Variants in USP26 observed in about 807,000 individuals in gnomAD.
USP26 encodes ubiquitin carboxyl-terminal hydrolase 26.
For synonymous variants in USP26, 236 were observed against 240.6 expected, an observed-to-expected ratio of 0.98 and a Z score of 0.18; for missense variants, 649 against 642.3, an observed-to-expected ratio of 1.01 and a Z score of -0.11.
intron 5 of USP26, among the ~76,000 whole-genome samples, chrX:133,054,747 G>A (rs2067470134): frequency 9.0e-6 from 1 of 111,528 alleles, no homozygotes. Flanking sequence ...AATGCCTAAC[G>A]ATACAACCTA....
chrX:133,073,877 GGTCACCGAGATTCCTGACCTA>G (rs1203576906), intron 5 of USP26, among the ~76,000 whole-genome samples: 3 of 111,305 alleles, frequency 2.7e-5, no homozygotes, highest in African/African-American at 9.8e-5. Context: ...GCCAGAGCAT[GGTCACCGAGATTCCTGACCTA>G]GTCCCATATC....
chrX:133,035,174 G>A (rs769570922), intron 5 of USP26, among the ~76,000 whole-genome samples: 65 of 111,805 alleles, frequency 5.8e-4, no homozygotes, highest in Non-Finnish European at 7.9e-4. Context: ...ACATGACATG[G>A]CAAAAGGAGG....
At position 133,025,611 on chromosome X, in the gene USP26, C is replaced by A; in HGVS notation, c.2610G>T (p.Met870Ile). 1 of 1,211,421 alleles carries A rather than the reference C, an allele frequency of 8.3e-7. No homozygotes were observed. The highest frequency in any genetic ancestry group is 1.1e-6 in the Non-Finnish European group (1 of 895,344). The stretch of plus-strand genomic sequence containing the variant: ...ACCCAGTGCAACGCCTATCCTCCTG[C>A]ATCTGGGCCTCCTGGATACCTAACA... ...MRVLGIQEAQ[M>I]QEDRRCTGYI... Residue 870 changes from methionine to isoleucine, a missense_variant, in exon 6 of 6, where the codon ATG becomes ATT. Physicochemically the swap from Met to Ile is conservative, Grantham distance 10. Transcript: ENST00000511190.
At chrX:133,059,231 C>T (rs755348205) in intron 5 of USP26, among the ~76,000 whole-genome samples, 1 of 111,394 alleles carries the variant, frequency 9.0e-6, no homozygotes, top group East Asian at 2.8e-4. Flanking sequence ...AGACAAAAAA[C>T]TTCAGGAGCT....
intron 5 of USP26, among the ~76,000 whole-genome samples, chrX:133,062,793 T>A (rs1027042013): frequency 1.8e-5 from 2 of 111,041 alleles, no homozygotes; most frequent in African/African-American, 6.6e-5. Context: ...CACAAATTAT[T>A]GATAATTCCA....
chrX:133,030,283 CACT>C (rs1307739925), intron 5 of USP26, among the ~76,000 whole-genome samples: 1 of 111,357 alleles, frequency 9.0e-6, no homozygotes, highest in Non-Finnish European at 1.9e-5. Context: ...AAAACTGTAC[CACT>C]TCTGTCAGAT....
chrX:133,078,299 G>T (rs242527), intron 5 of USP26, among the ~76,000 whole-genome samples: 1 of 109,676 alleles, frequency 9.1e-6, no homozygotes, highest in Non-Finnish European at 1.9e-5. Flanking sequence ...TACCCAGTCT[G>T]ACGTATCCCT....
At chrX:133,079,392 A>C (rs185935795) in intron 5 of USP26, among the ~76,000 whole-genome samples, 1 of 112,161 alleles carries the variant, frequency 8.9e-6, no homozygotes, top group Non-Finnish European at 1.9e-5. Context: ...TAAGGAAACG[A>C]AAGTTCAGAG....
rs868561380 is a variant in USP26, at chrX:133,097,050, G to C, written c.-413C>G. On this transcript the variant is annotated 5_prime_UTR_variant, in exon 1 of 6. Coordinates refer to ENST00000511190, the MANE Select transcript of USP26 (RefSeq NM_031907.3). ...CTTACAATAGTTTGTGGAAGAAGTC[G>C]ACACCCCTGACACACCAACGCTCCA... The C allele has an allele frequency of 2.7e-5, 3 of 112,615 alleles. No homozygotes were observed. The highest frequency in any genetic ancestry group is 4.7e-3 in the Middle Eastern group (1 of 215). 9.3% of individuals were successfully genotyped at this position (112,615 alleles called of 1,213,427 possible).
intron 4 of USP26, among the ~76,000 whole-genome samples, chrX:133,086,440 T>G (rs955074614): frequency 1.8e-5 from 2 of 110,785 alleles, no homozygotes; most frequent in Non-Finnish European, 3.8e-5. Flanking sequence ...AGACCTTGTC[T>G]CCACAATTTT....
In USP26 at chrX:133,097,090, A is replaced by C. The variant is rs747252124; in HGVS notation, c.-453T>G. ...CCAACGCTCCACCACGTGCCCACTTAACGATCGAAAACAAAATGGGCCCCG... is the reference window on the plus strand; with the variant it reads ...CCAACGCTCCACCACGTGCCCACTTCACGATCGAAAACAAAATGGGCCCCG... On this transcript the variant is annotated 5_prime_UTR_variant, in exon 1 of 6. Coordinates refer to ENST00000511190, the MANE Select transcript of USP26 (RefSeq NM_031907.3). 4 of 112,602 alleles carry C rather than the reference A, an allele frequency of 3.6e-5. No homozygotes were observed. In the East Asian group the frequency reaches 8.4e-4, roughly 24 times the overall value. 9.3% of individuals were successfully genotyped at this position (112,602 alleles called of 1,213,427 possible).
chrX:133,053,880 A>C (rs1427275005), intron 5 of USP26, among the ~76,000 whole-genome samples: 3 of 111,923 alleles, frequency 2.7e-5, no homozygotes, highest in African/African-American at 9.7e-5. Flanking sequence ...GTACCTACTT[A>C]AGTACAGTCT....
intron 5 of USP26, among the ~76,000 whole-genome samples, chrX:133,058,755 T>C (rs1464394281): frequency 8.9e-6 from 1 of 111,986 alleles, no homozygotes; most frequent in Non-Finnish European, 1.9e-5. Flanking sequence ...ATTATTGACA[T>C]AGATGGATTA....
intron 5 of USP26, among the ~76,000 whole-genome samples, chrX:133,058,572 C>T (rs1387282530): frequency 9.0e-6 from 1 of 111,704 alleles, no homozygotes; most frequent in Non-Finnish European, 1.9e-5. Context: ...CTGAAGTTTG[C>T]TCTGTCTGAA....
Position 133,096,047 on chromosome X carries a change from A to ATTTTTTTTTTT in USP26, c.-393+972_-393+982dup, listed in dbSNP as rs779131148. Reference sequence around the variant, plus strand: ...GGCATGAGCCACGGCGCCCGGCCTAATTTTTTTTTTTTTTTTTTTTTTTTT... The same window carrying ATTTTTTTTTTT: ...GGCATGAGCCACGGCGCCCGGCCTAATTTTTTTTTTTTTTTTTTTTTTTTTTTTTTTTTTTT... On this transcript the variant is annotated intron_variant, in intron 1 of 5. Transcript: ENST00000511190. Among the ~76,000 whole-genome samples, 7 of 36,547 alleles carry ATTTTTTTTTTT rather than the reference A, an allele frequency of 1.9e-4. 2 individuals carry two copies. The highest frequency in any genetic ancestry group is 2.6e-4 in the Non-Finnish European group (6 of 22,961). 31.7% of individuals were successfully genotyped at this position (36,547 alleles called of 115,157 possible).
At chrX:133,042,683 G>C (rs746739684) in intron 5 of USP26, among the ~76,000 whole-genome samples, 2 of 112,027 alleles carry the variant, frequency 1.8e-5, no homozygotes, top group African/African-American at 6.5e-5. Flanking sequence ...ATTTATTTAA[G>C]TTTGTCAACA....
At chrX:133,062,652 C>T (rs956769496) in intron 5 of USP26, among the ~76,000 whole-genome samples, 1 of 111,323 alleles carries the variant, frequency 9.0e-6, no homozygotes, top group Non-Finnish European at 1.9e-5. Context: ...AATTGCAGCA[C>T]ACCTGCAGAA....
At chrX:133,089,797 T>G (rs893697304) in intron 4 of USP26, among the ~76,000 whole-genome samples, 2 of 111,986 alleles carry the variant, frequency 1.8e-5, no homozygotes, top group Non-Finnish European at 3.8e-5. Flanking sequence ...AAAGGAAAAC[T>G]GAGGCCCAAA....
chrX:133,053,301 G>T (rs2067465618), intron 5 of USP26, among the ~76,000 whole-genome samples: 1 of 111,644 alleles, frequency 9.0e-6, no homozygotes, highest in Non-Finnish European at 1.9e-5. Context: ...ACTTTGGGAG[G>T]CCAAGGCGGG....
Sources: allele counts gnomAD v4.1 joint callset (sites outside exome capture counted in the v4.1 genomes callset), GRCh38; gene constraint gnomAD v4.1.1; transcripts MANE v1.5; gene names NCBI Gene and HGNC (gene_info 2026-07-23, HGNC 2026-07-21).